Variants in NAALADL2 observed in about 807,000 individuals in gnomAD.
NAALADL2 encodes N-acetylated alpha-linked acidic dipeptidase like 2, also known as inactive N-acetylated-alpha-linked acidic dipeptidase-like protein 2.
A neutral mutation model predicts 87.2 loss-of-function variants in NAALADL2; 76 were observed. The observed-to-expected ratio is 0.87, with a 90% confidence interval of 0.72 to 1.05. The LOEUF (loss-of-function observed/expected upper bound fraction) is 1.05, where lower values mean the gene tolerates loss of function less well. Among genes scored for constraint, NAALADL2 ranks in the 50% least tolerant of loss-of-function variants. The pLI is 0.00. For synonymous variants in NAALADL2, 354 were observed against 331.0 expected, an observed-to-expected ratio of 1.07 and a Z score of -0.75; for missense variants, 1,089 against 945.8, an observed-to-expected ratio of 1.15 and a Z score of -1.99.
intron 3 of NAALADL2, among the ~76,000 whole-genome samples, chr3:174,839,714 A>T (rs1432634370): frequency 6.6e-6 from 1 of 152,192 alleles, no homozygotes; most frequent in African/African-American, 2.4e-5. Flanking sequence ...TCAAAAGAAG[A>T]TATAGAAATG....
At chr3:175,278,173 G>T (rs2097215035) in intron 4 of NAALADL2, among the ~76,000 whole-genome samples, 1 of 152,132 alleles carries the variant, frequency 6.6e-6, no homozygotes, top group Admixed American at 6.5e-5. Context: ...ATATTATTTG[G>T]TATATGAATT....
At chr3:174,931,820 A>G (rs1736929714) in intron 1 of NAALADL2, among the ~76,000 whole-genome samples, 1 of 152,194 alleles carries the variant, frequency 6.6e-6, no homozygotes, top group South Asian at 2.1e-4. Context: ...CTATGGTGTG[A>G]GGAATTGAGA....
intron 1 of NAALADL2, among the ~76,000 whole-genome samples, chr3:174,965,938 T>C (rs1314922535): frequency 6.6e-6 from 1 of 151,988 alleles, no homozygotes; most frequent in African/African-American, 2.4e-5. Flanking sequence ...GAACTATAGG[T>C]TAGCTTGGAG....
chr3:175,135,006 CT>C (rs1412741557), intron 2 of NAALADL2, among the ~76,000 whole-genome samples: 1 of 152,108 alleles, frequency 6.6e-6, no homozygotes, highest in Admixed American at 6.5e-5. Context: ...AAGTTTTGCC[CT>C]TTTTTACTTT....
At chr3:175,655,370 GT>G in intron 11 of NAALADL2, 3 of 222,220 alleles carry the variant, frequency 1.4e-5, no homozygotes, top group Admixed American at 5.7e-5. Flanking sequence ...TCATAGGCAA[GT>G]TTTTTCAAAT....
At chr3:175,232,406 C>CT (rs1045759633) in intron 2 of NAALADL2, among the ~76,000 whole-genome samples, 4 of 151,976 alleles carry the variant, frequency 2.6e-5, no homozygotes, top group Non-Finnish European at 4.4e-5. Flanking sequence ...TTGTGTAATG[C>CT]TTTTTTACCA....
At chr3:175,129,658 T>A (rs1303733668) in intron 2 of NAALADL2, among the ~76,000 whole-genome samples, 1 of 152,206 alleles carries the variant, frequency 6.6e-6, no homozygotes, top group Non-Finnish European at 1.5e-5. Context: ...TTAATAATAT[T>A]TCATTGTATA....
At chr3:175,629,637 C>T (rs1486887255) in intron 11 of NAALADL2, among the ~76,000 whole-genome samples, 2 of 151,594 alleles carry the variant, frequency 1.3e-5, no homozygotes, top group East Asian at 3.9e-4. Context: ...CAGAAATCCT[C>T]AGCCAGAGAA....
chr3:174,652,608 C>G lies in NAALADL2; in HGVS notation c.-114-85033C>G, dbSNP rs544199721. Among the ~76,000 whole-genome samples, 10 of 152,158 alleles carry G rather than the reference C, an allele frequency of 6.6e-5. No individual in the cohort carries two copies. In the South Asian group the frequency reaches 2.1e-3, roughly 32 times the overall value. Reference sequence around the variant, plus strand: ...TATCACGAGAACAGTATGGGAAAAACCCGCTCCCATGATTCAGTTACCTCC... The same window carrying G: ...TATCACGAGAACAGTATGGGAAAAAGCCGCTCCCATGATTCAGTTACCTCC... On this transcript the variant is annotated intron_variant, in intron 2 of 3. Coordinates refer to the NAALADL2 transcript ENST00000434257.
At chr3:175,260,387 T>C (rs1024441869) in intron 4 of NAALADL2, among the ~76,000 whole-genome samples, 1 of 152,198 alleles carries the variant, frequency 6.6e-6, no homozygotes, top group Non-Finnish European at 1.5e-5. Flanking sequence ...TCTAGTCATC[T>C]CTTCTGTTTT....
In NAALADL2 at chr3:175,042,316, T is replaced by TAC. The variant is rs1346326948; in HGVS notation, c.44-54471_44-54470dup. On this transcript the variant is annotated intron_variant, in intron 1 of 13. Coordinates refer to ENST00000454872, the MANE Select transcript of NAALADL2 (RefSeq NM_207015.3). ...CTGTTTTTCTTTGGAATACTATATA[T>TAC]ACACCTCATTTTCTTTATCCAGTTG... Among the ~76,000 whole-genome samples, 4 of 152,308 alleles carry TAC rather than the reference T, an allele frequency of 2.6e-5. No homozygotes were observed. The East Asian group carries it at 5.8e-4, about 22-fold the overall frequency.
At chr3:175,095,480 T>G (rs1054151776) in intron 1 of NAALADL2, among the ~76,000 whole-genome samples, 8 of 152,058 alleles carry the variant, frequency 5.3e-5, no homozygotes, top group African/African-American at 1.9e-4. Flanking sequence ...TTCCTAGATT[T>G]TAGGGCAGCA....
intron 4 of NAALADL2, among the ~76,000 whole-genome samples, chr3:175,259,374 C>T (rs905599723): frequency 1.4e-4 from 22 of 152,104 alleles, no homozygotes; most frequent in Non-Finnish European, 7.4e-5. Context: ...AACCTAATTA[C>T]TTATTTAAGA....
rs1034751093 is a variant in NAALADL2 at position 174,850,891 on chromosome 3, C to T, written c.-9+113145C>T. 2.6e-5 allele frequency among the ~76,000 whole-genome samples: 4 copies of T among 151,808 alleles called. No individual in the cohort carries two copies. The East Asian group carries it at 5.8e-4, about 22-fold the overall frequency. ...AAAGATGTCTTAATTTAAAAAAAAACACTGAAATTATATCAAGTATCTTTT... is the reference window on the plus strand; with the variant it reads ...AAAGATGTCTTAATTTAAAAAAAAATACTGAAATTATATCAAGTATCTTTT... On this transcript the variant is annotated intron_variant, in intron 3 of 3. Coordinates refer to the NAALADL2 transcript ENST00000434257.
intron 1 of NAALADL2, among the ~76,000 whole-genome samples, chr3:174,991,705 A>C (rs1241138373): frequency 6.6e-6 from 1 of 152,104 alleles, no homozygotes; most frequent in Non-Finnish European, 1.5e-5. Flanking sequence ...ATGGAACAGA[A>C]TATGGAACAC....
intron 5 of NAALADL2, among the ~76,000 whole-genome samples, chr3:175,352,043 C>A (rs1763830887): frequency 6.6e-6 from 1 of 152,082 alleles, no homozygotes; most frequent in Non-Finnish European, 1.5e-5. Flanking sequence ...CTCACAGTGA[C>A]ACGCATGCAT....
At chr3:175,310,725 A>G (rs1236974054) in intron 4 of NAALADL2, among the ~76,000 whole-genome samples, 2 of 152,018 alleles carry the variant, frequency 1.3e-5, no homozygotes, top group Non-Finnish European at 2.9e-5. Context: ...CATGCATGTC[A>G]CTATGGTCAT....
intron 10 of NAALADL2, among the ~76,000 whole-genome samples, chr3:175,607,876 G>A (rs1723986025): frequency 6.6e-6 from 1 of 150,928 alleles, no homozygotes; most frequent in Non-Finnish European, 1.5e-5. Flanking sequence ...ATGGGTTAGA[G>A]ACAGAAGAGC....
At chr3:175,095,994 A>T (rs1580418525) in intron 1 of NAALADL2, among the ~76,000 whole-genome samples, 1 of 152,020 alleles carries the variant, frequency 6.6e-6, no homozygotes, top group African/African-American at 2.4e-5. Context: ...GGGGAGAAGA[A>T]CCTCCATCTG....
Sources: gnomAD v4.1 joint callset for allele counts (sites outside exome capture counted in the v4.1 genomes callset) on GRCh38, gnomAD v4.1.1 for gene constraint, MANE v1.5 for transcripts, NCBI Gene and HGNC (gene_info 2026-07-23, HGNC 2026-07-21) for gene names.